Variants in MTARC1 observed in about 807,000 individuals in gnomAD.
MTARC1 encodes mitochondrial amidoxime reducing component 1, also known as mitochondrial amidoxime-reducing component 1.
A neutral mutation model predicts 33.6 loss-of-function variants in MTARC1; 24 were observed. That is an observed-to-expected ratio of 0.72 (90% CI 0.52 to 1.01). MTARC1 has a LOEUF of 1.01. MTARC1 is among the 50% of genes least tolerant of loss of function. The pLI is 0.00. For missense variants in MTARC1, 417 were observed against 445.7 expected, an observed-to-expected ratio of 0.94 and a Z score of 0.58; for synonymous variants, 187 against 189.5, an observed-to-expected ratio of 0.99 and a Z score of 0.11.
chr1:220,813,584 C>T lies in MTARC1; in HGVS notation c.*166C>T, dbSNP rs1414539407. 9.8e-6 allele frequency: 8 copies of T among 815,192 alleles called. No individual in the cohort carries two copies. Among genetic ancestry groups the T allele is most frequent in the Admixed American group, 5.9e-5 (2 of 34,134 alleles). The allele number at this position is 815,192 out of a possible 1,614,324, so 50.5% of individuals were successfully genotyped here. On this transcript the variant is annotated 3_prime_UTR_variant, in exon 7 of 7. Transcript: ENST00000366910. The stretch of plus-strand genomic sequence containing the variant: ...TTCTGGTGTCTCAATGCTTCAATGT[C>T]CCAGTGCAAAAAGTAAAGAAATATA...
chr1:220,808,329 G>A (rs1477926686), intron 6 of MTARC1, among the ~76,000 whole-genome samples: 2 of 152,320 alleles, frequency 1.3e-5, no homozygotes, highest in Middle Eastern at 3.4e-3. Context: ...CTGATCTTCC[G>A]CAGGCTTTGT....
intron 4 of MTARC1, among the ~76,000 whole-genome samples, chr1:220,800,891 G>A (rs1361380547): frequency 1.8e-5 from 2 of 110,180 alleles, no homozygotes; most frequent in Admixed American, 8.1e-5. Context: ...TTGGTGGCTG[G>A]GCCTTCCCCC....
In MTARC1 at chr1:220,796,738, A is replaced by G; in HGVS notation, c.545A>G (p.His182Arg). Reference sequence around the variant, plus strand: ...AAGTCACAGCCCTACCGCCTGGTGCACTTCGAGCCTCACATGCGACCGAGA... The same window carrying G: ...AAGTCACAGCCCTACCGCCTGGTGCGCTTCGAGCCTCACATGCGACCGAGA... ...FLKSQPYRLVHFEPHMRPRRP... is the reference protein window; with the variant it reads ...FLKSQPYRLVRFEPHMRPRRP... Residue 182 changes from histidine (H) to arginine (R), a missense_variant, in exon 3 of 7, where the codon CAC becomes CGC. Physicochemically the swap from His to Arg is conservative, Grantham distance 29 (BLOSUM62 0). Coordinates refer to ENST00000366910, the MANE Select transcript of MTARC1 (RefSeq NM_022746.4). 2 of 1,612,862 alleles carry G rather than the reference A, an allele frequency of 1.2e-6. No individual in the cohort carries two copies. The highest frequency in any genetic ancestry group is 1.7e-6 in the Non-Finnish European group (2 of 1,179,518).
rs189543226 is a variant in MTARC1 at position 220,816,943 on chromosome 1, G to T, written c.*3525G>T. On this transcript the variant is annotated 3_prime_UTR_variant, in exon 7 of 7. Coordinates refer to ENST00000366910, the MANE Select transcript of MTARC1 (RefSeq NM_022746.4). The stretch of plus-strand genomic sequence containing the variant: ...TTTTGGATGGATAGGGTGGATCAGG[G>T]TGAGGGAAGGGAAACCAAACTCTCT... 8 of 152,380 alleles carry T rather than the reference G, an allele frequency of 5.3e-5. No homozygotes were observed. The highest frequency in any genetic ancestry group is 1.7e-4 in the African/African-American group (7 of 41,564). The allele number at this position is 152,380 out of a possible 1,614,324, so 9.4% of individuals were successfully genotyped here.
intron 2 of MTARC1, among the ~76,000 whole-genome samples, chr1:220,795,762 A>G (rs1672593019): frequency 6.6e-6 from 1 of 152,262 alleles, no homozygotes; most frequent in Non-Finnish European, 1.5e-5. Flanking sequence ...TGTTGCCTAC[A>G]GAGGTCTCTG....
chr1:220,796,591 G>T, intron 2 of MTARC1, 52 bp from the exon 3 acceptor site: 1 of 1,518,690 alleles, frequency 6.6e-7, no homozygotes, highest in South Asian at 1.3e-5. Flanking sequence ...ACATATTAGG[G>T]TGCATGGATT....
Position 220,787,115 on chromosome 1 carries a change from A to C in MTARC1, c.171A>C (p.Thr57=), listed in dbSNP as rs79575000. Residue 57 remains threonine (T), a synonymous_variant, in exon 1 of 7, where the codon ACA becomes ACC. Transcript: ENST00000366910. ...RRRRLLQQVG[T]VAQLWIYPVK... ...GGCGGCTGCTGCAGCAGGTGGGCAC[A>C]GTGGCGCAGCTCTGGATCTACCCTG... The C allele has an allele frequency of 8.0e-3, 12,389 of 1,543,180 alleles. 162 individuals are homozygous for C. Among genetic ancestry groups the C allele is most frequent in the East Asian group, 0.055 (2,137 of 38,558 alleles).
intron 4 of MTARC1, among the ~76,000 whole-genome samples, chr1:220,802,415 T>C (rs2102600840): frequency 6.6e-6 from 1 of 152,290 alleles, no homozygotes; most frequent in Non-Finnish European, 1.5e-5. Flanking sequence ...CACTGCAACC[T>C]CCGCCTCCCG....
chr1:220,798,732 A>T, intron 4 of MTARC1: 1 of 769,102 alleles, frequency 1.3e-6, no homozygotes, highest in Non-Finnish European at 1.6e-6. Context: ...CACAGCTAGG[A>T]ATTCAGGAGC....
At chr1:220,801,150 C>T (rs561284669) in intron 4 of MTARC1, among the ~76,000 whole-genome samples, 182 of 152,324 alleles carry the variant, frequency 1.2e-3, no homozygotes, top group Non-Finnish European at 1.5e-3. Flanking sequence ...CCCAACATGA[C>T]CTGCACCCCG....
chr1:220,805,323 G>A (rs760749750), intron 6 of MTARC1, 49 bp downstream of exon 6: 80 of 1,597,072 alleles, frequency 5.0e-5, no homozygotes, highest in Non-Finnish European at 6.7e-5. Flanking sequence ...TGCCGGGAAC[G>A]GAAGCAATAT....
intron 6 of MTARC1, among the ~76,000 whole-genome samples, chr1:220,805,980 T>TA (rs1672957439): frequency 6.6e-6 from 1 of 152,162 alleles, no homozygotes; most frequent in Non-Finnish European, 1.5e-5. Context: ...TTTTACTTTT[T>TA]AAAAAACATA....
chr1:220,798,821 C>T, intron 4 of MTARC1: 1 of 980,484 alleles, frequency 1.0e-6, no homozygotes, highest in African/African-American at 1.7e-5. Flanking sequence ...TGCCCATTTC[C>T]TCCATAACAG....
intron 6 of MTARC1, among the ~76,000 whole-genome samples, chr1:220,809,491 C>CAATTTAATTTAATTTAATTT (rs144260621): frequency 0.091 from 13,618 of 150,060 alleles, 727 homozygotes; most frequent in Non-Finnish European, 0.12. Context: ...TCTAATTCTT[C>CAATTTAATTTAATTTAATTT]AATTTAATTT....
Position 220,791,485 on chromosome 1 carries a change from C to CGGCAGGTTTT in MTARC1, c.276-2_283dup, listed in dbSNP as rs757141055. The CGGCAGGTTTT allele has an allele frequency of 6.2e-7, 1 of 1,613,340 alleles. No individual in the cohort carries two copies. The highest frequency in any genetic ancestry group is 8.5e-7 in the Non-Finnish European group (1 of 1,179,612). ...TCACACATATCCTGTGTTTTGAAAA[C>CGGCAGGTTTT]GGCAGGTTTTGGCTTGTGATCAACC... On this transcript the variant is annotated splice_polypyrimidine_tract_variant and splice_region_variant and intron_variant, in intron 1 of 6. Coordinates refer to ENST00000366910, the MANE Select transcript of MTARC1 (RefSeq NM_022746.4).
rs1407607400 is a variant in MTARC1, at chr1:220,817,042, T to A, written c.*3624T>A. 1 of 152,194 alleles carries A rather than the reference T, an allele frequency of 6.6e-6. No individual in the cohort carries two copies. The highest frequency in any genetic ancestry group is 1.5e-5 in the Non-Finnish European group (1 of 68,126). The allele number at this position is 152,194 out of a possible 1,614,324, so 9.4% of individuals were successfully genotyped here. A position where few individuals can be genotyped will look rare whatever the true frequency, so the allele number is the denominator to read the frequency against. On this transcript the variant is annotated 3_prime_UTR_variant, in exon 7 of 7. Coordinates refer to ENST00000366910, the MANE Select transcript of MTARC1 (RefSeq NM_022746.4). ...CTGTGATGAAAGTGCTCCAGGATGC[T>A]TCATGCACCAGGGAGGGGTGCCCTG...
At chr1:220,807,793 G>A (rs969276372) in intron 6 of MTARC1, among the ~76,000 whole-genome samples, 2 of 151,950 alleles carry the variant, frequency 1.3e-5, no homozygotes, top group South Asian at 2.1e-4. Context: ...TTTGAAATGC[G>A]CTCACTCACC....
At position 220,799,492 on chromosome 1, in the gene MTARC1, A is replaced by G. The variant is rs72472307; in HGVS notation, c.753+1478A>G. ...GCTAGGAGAGCCATTTCTCCTGAGA[A>G]CGTTCCTTCTCAGGAAAAGAGAAAT... On this transcript the variant is annotated intron_variant, in intron 4 of 6. Transcript: ENST00000366910. Among the ~76,000 whole-genome samples, 1,080 of 152,324 alleles carry G rather than the reference A, an allele frequency of 7.1e-3. 5 individuals carry two copies. Among genetic ancestry groups the G allele is most frequent in the Non-Finnish European group, 0.012 (799 of 68,016 alleles).
At chr1:220,802,064 G>A (rs1281138755) in intron 4 of MTARC1, among the ~76,000 whole-genome samples, 1 of 152,102 alleles carries the variant, frequency 6.6e-6, no homozygotes, top group Non-Finnish European at 1.5e-5. Flanking sequence ...TTCTCCTTTA[G>A]CTGTACTGCC....
Sources: allele counts gnomAD v4.1 joint callset (sites outside exome capture counted in the v4.1 genomes callset), GRCh38; gene constraint gnomAD v4.1.1; transcripts MANE v1.5; gene names NCBI Gene and HGNC (gene_info 2026-07-23, HGNC 2026-07-21).